Variants in MSRA observed in about 807,000 individuals in gnomAD.
MSRA encodes methionine sulfoxide reductase A.
In MSRA, 54 loss-of-function variants were observed where a neutral mutation model predicts 31.3. The observed-to-expected ratio is 1.73, with a 90% CI of 1.39 to 2.17. The LOEUF is 2.17. Among genes scored for constraint, MSRA ranks in the 30% most tolerant of loss-of-function variants. The probability of loss-of-function intolerance (pLI) is 0.00; values close to 1 mark genes in which losing one functional copy is unlikely to be tolerated. For synonymous variants in MSRA, 169 were observed against 116.5 expected (o/e 1.45, Z -2.90); for missense variants, 507 against 300.9 (o/e 1.69, Z -5.07).
chr8:10,273,857 C>G (rs949939178), intron 3 of MSRA, among the ~76,000 whole-genome samples: 1 of 152,100 alleles, frequency 6.6e-6, no homozygotes, highest in Non-Finnish European at 1.5e-5. Flanking sequence ...TTATGATCCT[C>G]GAGCCAACAG....
chr8:10,122,642 C>T (rs1460131052), intron 1 of MSRA, among the ~76,000 whole-genome samples: 1 of 151,884 alleles, frequency 6.6e-6, no homozygotes, highest in Non-Finnish European at 1.5e-5. Flanking sequence ...GGATACCAAG[C>T]CTAGCACCCC....
chr8:10,079,121 C>T (rs1422545173), intron 1 of MSRA, among the ~76,000 whole-genome samples: 1 of 152,082 alleles, frequency 6.6e-6, no homozygotes, highest in African/African-American at 2.4e-5. Flanking sequence ...TGTCAAGAAC[C>T]AGGTGAGAGA....
At chr8:10,121,469 G>A (rs1203611175) in intron 1 of MSRA, among the ~76,000 whole-genome samples, 2 of 152,186 alleles carry the variant, frequency 1.3e-5, no homozygotes, top group Admixed American at 6.5e-5. Context: ...TGCTTAGAGC[G>A]ATCCAGGATG....
intron 5 of MSRA, among the ~76,000 whole-genome samples, chr8:10,414,750 A>C (rs1255129224): frequency 6.6e-6 from 1 of 152,240 alleles, no homozygotes; most frequent in East Asian, 1.9e-4. Context: ...CCCAAGGTGA[A>C]ACCTGCTATC....
intron 1 of MSRA, among the ~76,000 whole-genome samples, chr8:10,058,479 G>A (rs1802518382): frequency 6.6e-6 from 1 of 152,146 alleles, no homozygotes; most frequent in South Asian, 2.1e-4. Context: ...CCCAGAAGAG[G>A]TAGAAAATTT....
intron 5 of MSRA, among the ~76,000 whole-genome samples, chr8:10,407,050 T>C (rs890288556): frequency 6.6e-6 from 1 of 151,972 alleles, no homozygotes; most frequent in African/African-American, 2.4e-5. Flanking sequence ...GCTAATTTTT[T>C]TATTTTTTGT....
chr8:10,345,388 C>G (rs867837653), intron 5 of MSRA, among the ~76,000 whole-genome samples: 3 of 152,212 alleles, frequency 2.0e-5, no homozygotes, highest in African/African-American at 7.2e-5. Context: ...ACATCCATTT[C>G]TAACTGAGTG....
chr8:10,234,401 A>G (rs1377108607), intron 2 of MSRA, among the ~76,000 whole-genome samples: 1 of 152,146 alleles, frequency 6.6e-6, no homozygotes, highest in Non-Finnish European at 1.5e-5. Flanking sequence ...TTGGTTTGGA[A>G]AACATAGTGA....
chr8:10,181,348 C>T (rs1806519093), intron 1 of MSRA, among the ~76,000 whole-genome samples: 2 of 151,766 alleles, frequency 1.3e-5, no homozygotes, highest in African/African-American at 4.8e-5. Context: ...TGCAAACACC[C>T]TGTGGGGGTA....
chr8:10,324,938 C>T (rs1421370372), intron 5 of MSRA, among the ~76,000 whole-genome samples: 2 of 152,164 alleles, frequency 1.3e-5, no homozygotes, highest in Non-Finnish European at 2.9e-5. Context: ...TACTGTGTGC[C>T]AGGGCAGGAG....
chr8:10,406,342 A>C (rs1055178423), intron 5 of MSRA, among the ~76,000 whole-genome samples: 1 of 152,214 alleles, frequency 6.6e-6, no homozygotes, highest in Non-Finnish European at 1.5e-5. Context: ...TTGCTTCTTG[A>C]AGAATGTGAC....
intron 1 of MSRA, among the ~76,000 whole-genome samples, chr8:10,128,518 T>G (rs1801662183): frequency 6.6e-6 from 1 of 152,154 alleles, no homozygotes; most frequent in South Asian, 2.1e-4. Context: ...GTGACTCCTA[T>G]TAATGTATCA....
chr8:10,326,594 C>T (rs959352712), intron 5 of MSRA: 1 of 152,070 alleles, frequency 6.6e-6, no homozygotes, highest in Non-Finnish European at 1.5e-5. Context: ...TGCTTCATAT[C>T]TTTGGTGAGC....
intron 3 of MSRA, 64 bp from the exon 4 acceptor site, chr8:10,301,470 C>CA: frequency 2.3e-6 from 3 of 1,308,554 alleles, no homozygotes; most frequent in Non-Finnish European, 3.3e-6. Flanking sequence ...TTTTTGTGAA[C>CA]AAAAAACTTG....
intron 5 of MSRA, among the ~76,000 whole-genome samples, chr8:10,364,279 C>T (rs1438560644): frequency 6.6e-6 from 1 of 152,182 alleles, no homozygotes; most frequent in Non-Finnish European, 1.5e-5. Context: ...CATCCATGAA[C>T]ACCCAGATAG....
At chr8:10,182,436 G>T (rs1806627718) in intron 1 of MSRA, among the ~76,000 whole-genome samples, 3 of 152,166 alleles carry the variant, frequency 2.0e-5, no homozygotes, top group Non-Finnish European at 4.4e-5. Context: ...CTCTACTTCA[G>T]AGTCTCTCAC....
At position 10,054,573 on chromosome 8, in the gene MSRA, C is replaced by T. The variant is rs765372797; in HGVS notation, c.57C>T (p.Pro19=). 3 of 1,586,830 alleles carry T rather than the reference C, an allele frequency of 1.9e-6. No individual in the cohort carries two copies. Among genetic ancestry groups the T allele is most frequent in the Non-Finnish European group, 2.6e-6 (3 of 1,166,936 alleles). Reference sequence around the variant, plus strand: ...TCCTCCTCCTCCACAGCCTCTTTCCCGTCCCGAGGATGGGCAACTCGGCCT... The same window carrying T: ...TCCTCCTCCTCCACAGCCTCTTTCCTGTCCCGAGGATGGGCAACTCGGCCT... ...CQLLLLHSLF[P]VPRMGNSASN... Residue 19 remains proline, a synonymous_variant, in exon 1 of 6, where the codon CCC becomes CCT. Transcript: ENST00000317173.
intron 1 of MSRA, among the ~76,000 whole-genome samples, chr8:10,174,660 G>T (rs764668915): frequency 4.9e-4 from 74 of 151,916 alleles, no homozygotes; most frequent in Admixed American, 5.2e-4. Flanking sequence ...CAGCCTGTCT[G>T]CAGTCTTGTC....
At chr8:10,063,924 A>G (rs1797332305) in intron 1 of MSRA, among the ~76,000 whole-genome samples, 1 of 152,168 alleles carries the variant, frequency 6.6e-6, no homozygotes, top group Non-Finnish European at 1.5e-5. Context: ...TCAAGGCTAA[A>G]CTTGGCTTCT....
Sources: gnomAD v4.1 joint callset for allele counts (sites outside exome capture counted in the v4.1 genomes callset) on GRCh38, gnomAD v4.1.1 for gene constraint, MANE v1.5 for transcripts, NCBI Gene and HGNC (gene_info 2026-07-23, HGNC 2026-07-21) for gene names.